The following ALOX5AP variants were observed in gnomAD, a reference collection of about 807,000 sequenced individuals.
The protein encoded by ALOX5AP is arachidonate 5-lipoxygenase activating protein, also known as arachidonate 5-lipoxygenase-activating protein.
Under a neutral mutation model 18.5 loss-of-function variants are expected in ALOX5AP, and 9 were observed. The observed-to-expected ratio is 0.49, with a 90% CI of 0.29 to 0.85. The LOEUF (loss-of-function observed/expected upper bound fraction) is 0.85. Among genes scored for constraint, ALOX5AP ranks in the 40% least tolerant of loss-of-function variants. The pLI, the probability that ALOX5AP is intolerant of heterozygous loss-of-function variation, is 0.08. For missense variants in ALOX5AP, 172 were observed against 202.5 expected (o/e 0.85, Z 0.91); for synonymous variants, 81 against 78.6 (o/e 1.03, Z -0.16).
Position 30,716,833 on chromosome 13 carries a change from G to A in ALOX5AP, c.116+2992G>A, listed in dbSNP as rs569068298. On this transcript the variant is annotated intron_variant, in intron 1 of 5. Transcript: ENST00000617770. ...CATGGTTGTGATCTCTTATAGGGAG[G>A]GAATACAGATTAAAATCAGCCAAAG... Among the ~76,000 whole-genome samples, 192 of 152,288 alleles carry A rather than the reference G, an allele frequency of 1.3e-3. 2 individuals carry two copies. The highest frequency in any genetic ancestry group is 4.3e-3 in the African/African-American group (179 of 41,554).
intron 1 of ALOX5AP, among the ~76,000 whole-genome samples, chr13:30,737,891 T>C (rs1379165656): frequency 6.6e-6 from 1 of 152,218 alleles, no homozygotes. Flanking sequence ...ACTATTTGTT[T>C]TTAACTGTGA....
intron 4 of ALOX5AP, among the ~76,000 whole-genome samples, chr13:30,762,313 G>T (rs1951948297): frequency 6.6e-6 from 1 of 152,180 alleles, no homozygotes; most frequent in South Asian, 2.1e-4. Context: ...AGTTGGCTGG[G>T]CGTGGTGGCT....
At chr13:30,762,638 A>G (rs753783185) in intron 4 of ALOX5AP, among the ~76,000 whole-genome samples, 1 of 152,132 alleles carries the variant, frequency 6.6e-6, no homozygotes, top group Non-Finnish European at 1.5e-5. Context: ...TATTATCAGC[A>G]TATGGGGTGC....
intron 4 of ALOX5AP, among the ~76,000 whole-genome samples, chr13:30,760,713 C>T (rs1459785168): frequency 6.6e-6 from 1 of 152,182 alleles, no homozygotes; most frequent in Non-Finnish European, 1.5e-5. Flanking sequence ...CCTCTCTTTT[C>T]TGTTTGCCTA....
At chr13:30,736,266 C>T (rs905172672) in intron 1 of ALOX5AP, among the ~76,000 whole-genome samples, 2 of 151,536 alleles carry the variant, frequency 1.3e-5, no homozygotes, top group African/African-American at 2.4e-5. Context: ...TTTTCATATG[C>T]AGTGTATACT....
At chr13:30,754,190 G>T (rs1478761785) in intron 3 of ALOX5AP, among the ~76,000 whole-genome samples, 1 of 152,210 alleles carries the variant, frequency 6.6e-6, no homozygotes, top group African/African-American at 2.4e-5. Context: ...GGTGAACCAA[G>T]ATAGCACCAT....
upstream of ALOX5AP, among the ~76,000 whole-genome samples, chr13:30,732,463 G>C (rs1394487655): frequency 6.6e-6 from 1 of 152,202 alleles, no homozygotes; most frequent in Non-Finnish European, 1.5e-5. Flanking sequence ...CTATTGGACA[G>C]TCAAGTGCAA....
chr13:30,735,820 A>G (rs1951716577), intron 1 of ALOX5AP, 145 bp downstream of exon 1: 1 of 1,039,730 alleles, frequency 9.6e-7, no homozygotes, highest in African/African-American at 1.6e-5. Flanking sequence ...TTTTATTTGA[A>G]TGTATAGGGT....
chr13:30,745,357 G>A (rs1951801168), intron 2 of ALOX5AP, among the ~76,000 whole-genome samples: 1 of 152,138 alleles, frequency 6.6e-6, no homozygotes, highest in South Asian at 2.1e-4. Context: ...GCATTAGTAC[G>A]GTAGTCACAG....
At chr13:30,738,281 A>G (rs987244416) in intron 1 of ALOX5AP, among the ~76,000 whole-genome samples, 8 of 152,168 alleles carry the variant, frequency 5.3e-5, no homozygotes, top group African/African-American at 1.9e-4. Context: ...AGTCATCAAG[A>G]TCTTCAAATT....
intron 2 of ALOX5AP, among the ~76,000 whole-genome samples, chr13:30,750,161 T>G (rs9671125): frequency 0.65 from 99,174 of 151,920 alleles, 32,581 homozygotes; most frequent in East Asian, 0.73. Context: ...TGCTGCCGCC[T>G]CTGGTCCCGA....
At chr13:30,717,711 G>T (rs1196416963) in intron 1 of ALOX5AP, among the ~76,000 whole-genome samples, 6 of 152,210 alleles carry the variant, frequency 3.9e-5, no homozygotes. Context: ...CACCCTCTCA[G>T]TACATGAATG....
intron 1 of ALOX5AP, 100 bp from the exon 2 acceptor site, chr13:30,743,960 G>T: frequency 1.0e-6 from 1 of 954,828 alleles, no homozygotes; most frequent in South Asian, 1.4e-5. Flanking sequence ...TTGCTTGGAG[G>T]TCAAGTCAAG....
At chr13:30,760,266 AG>A (rs937616858) in intron 4 of ALOX5AP, among the ~76,000 whole-genome samples, 2 of 106,264 alleles carry the variant, frequency 1.9e-5, no homozygotes, top group African/African-American at 7.1e-5. Flanking sequence ...GAAGTGGAGG[AG>A]GGGGGGTGAC....
rs759720554 is a variant in ALOX5AP, at chr13:30,713,740, T to A, written c.15T>A (p.Asn5Lys). The A allele has an allele frequency of 9.5e-5, 145 of 1,533,792 alleles. No homozygotes were observed. In the South Asian group the frequency reaches 1.0e-3, roughly 11 times the overall value. ...CAGAAACAAAAATGCTCACATTTAA[T>A]CACGATGCTCCCTGGCATACACAGA... Residue 5 changes from asparagine to lysine, a missense_variant, in exon 1 of 6, where the codon AAT (asparagine) becomes AAA (lysine). Asn to Lys is a moderately conservative substitution (Grantham distance 94, BLOSUM62 0). Transcript: ENST00000617770.
chr13:30,743,549 TGAACCACA>T (rs1441301983), intron 1 of ALOX5AP, among the ~76,000 whole-genome samples: 1 of 152,202 alleles, frequency 6.6e-6, no homozygotes. Flanking sequence ...CTGAACATTC[TGAACCACA>T]GACAGTTCTT....
At chr13:30,725,413 G>A (rs1310458972) in intron 1 of ALOX5AP, among the ~76,000 whole-genome samples, 1 of 152,258 alleles carries the variant, frequency 6.6e-6, no homozygotes, top group Non-Finnish European at 1.5e-5. Flanking sequence ...CCCAGCCACT[G>A]TTGCCCAGTG....
upstream of ALOX5AP, among the ~76,000 whole-genome samples, chr13:30,733,750 C>T (rs142389794): frequency 1.2e-4 from 19 of 152,308 alleles, no homozygotes; most frequent in East Asian, 3.7e-3. Flanking sequence ...CTGAATAGAA[C>T]AAAAAGCGGG....
At chr13:30,734,116 A>G (rs1206745416), upstream of ALOX5AP, among the ~76,000 whole-genome samples, 1 of 152,156 alleles carries the variant, frequency 6.6e-6, no homozygotes, top group Non-Finnish European at 1.5e-5. Context: ...GAGGAGACTT[A>G]TTTATATATT....
Sources: allele counts gnomAD v4.1 joint callset (sites outside exome capture counted in the v4.1 genomes callset), GRCh38; gene constraint gnomAD v4.1.1; transcripts MANE v1.5; gene names NCBI Gene and HGNC (gene_info 2026-07-23, HGNC 2026-07-21).